The following DTL variants were observed in gnomAD, a reference collection of about 807,000 sequenced individuals.
The protein encoded by DTL is denticleless protein homolog.
A neutral mutation model predicts 87.0 loss-of-function variants in DTL; 46 were observed. That is an observed-to-expected ratio of 0.53 (90% CI 0.42 to 0.68). The LOEUF (loss-of-function observed/expected upper bound fraction) is 0.68. DTL is among the 30% of genes least tolerant of loss of function. DTL has a pLI of 0.00. For missense variants in DTL, 737 were observed against 869.4 expected (o/e 0.85, Z 1.91); for synonymous variants, 308 against 311.2 (o/e 0.99, Z 0.11).
intron 5 of DTL, chr1:212,051,782 A>G: frequency 1.3e-6 from 1 of 740,992 alleles, no homozygotes. Context: ...GTTTGTTTAC[A>G]ACAATGCCAA....
At chr1:212,092,623 C>T (rs1342129670) in intron 13 of DTL, among the ~76,000 whole-genome samples, 2 of 152,124 alleles carry the variant, frequency 1.3e-5, no homozygotes, top group East Asian at 1.9e-4. Flanking sequence ...AAGTAGTATT[C>T]CCTGGTATAT....
chr1:212,103,025 A>T lies in DTL; in HGVS notation c.*85A>T. On this transcript the variant is annotated 3_prime_UTR_variant, in exon 15 of 15. Coordinates refer to ENST00000366991, the MANE Select transcript of DTL (RefSeq NM_016448.4). ...ACTAAAACAAGATGAAAAATACAAG[A>T]GTGACTCTATAACTCTGGTCTTTAA... The T allele has an allele frequency of 1.3e-6, 1 of 759,716 alleles. No individual in the cohort carries two copies. The highest frequency in any genetic ancestry group is 1.8e-5 in the South Asian group (1 of 55,888). The allele number at this position is 759,716 out of a possible 1,614,324, so 47.1% of individuals were successfully genotyped here.
chr1:212,066,933 TTG>T (rs759488475), intron 8 of DTL, 48 bp downstream of exon 8: 1 of 1,470,846 alleles, frequency 6.8e-7, no homozygotes. Flanking sequence ...TTTTATGAGA[TTG>T]TGATGAGGCA....
intron 11 of DTL, 92 bp downstream of exon 11, chr1:212,072,305 C>T (rs1179529437): frequency 7.5e-5 from 70 of 936,148 alleles, no homozygotes; most frequent in African/African-American, 2.0e-4. Flanking sequence ...AATGTAACCA[C>T]GTGCTATACT....
chr1:212,045,924 TTTG>T (rs10636026), intron 3 of DTL, among the ~76,000 whole-genome samples: 87 of 150,740 alleles, frequency 5.8e-4, no homozygotes, highest in African/African-American at 1.5e-3. Flanking sequence ...TGTTTTTGGT[TTTG>T]TTGTTGTTGT....
chr1:212,081,458 G>A (rs1383913501), intron 13 of DTL, among the ~76,000 whole-genome samples: 1 of 152,210 alleles, frequency 6.6e-6, no homozygotes, highest in Non-Finnish European at 1.5e-5. Context: ...TATTTTGATA[G>A]ACAAAAGTCC....
At chr1:212,089,520 A>G (rs1005003247) in intron 13 of DTL, among the ~76,000 whole-genome samples, 6 of 152,204 alleles carry the variant, frequency 3.9e-5, no homozygotes, top group African/African-American at 1.2e-4. Context: ...GTAAAAGTGA[A>G]ATGAAAAAGT....
In DTL at chr1:212,055,651, G is replaced by C. The variant is rs187977855; in HGVS notation, c.461-7233G>C. On this transcript the variant is annotated intron_variant, in intron 5 of 14. Coordinates refer to ENST00000366991, the MANE Select transcript of DTL (RefSeq NM_016448.4). ...TCAGTCGTTTAACTGCCTGCCTATG[G>C]GTACTCCCAGGGAAAGCAACCCCAC... Among the ~76,000 whole-genome samples, 17 of 152,248 alleles carry C rather than the reference G, an allele frequency of 1.1e-4. No homozygotes were observed. The East Asian group carries it at 3.1e-3, about 28-fold the overall frequency.
chr1:212,063,597 T>A (rs1654401590), intron 6 of DTL, among the ~76,000 whole-genome samples: 1 of 152,178 alleles, frequency 6.6e-6, no homozygotes, highest in South Asian at 2.1e-4. Flanking sequence ...AGCCTGATTT[T>A]AAAGAATTAG....
chr1:212,097,595 A>G (rs187590555), intron 13 of DTL, among the ~76,000 whole-genome samples: 63 of 151,856 alleles, frequency 4.1e-4, no homozygotes, highest in African/African-American at 8.9e-4. Context: ...TATGATATCT[A>G]TTTCTCTGGA....
chr1:212,043,415 A>G (rs1667711057), intron 2 of DTL, among the ~76,000 whole-genome samples: 1 of 152,220 alleles, frequency 6.6e-6, no homozygotes, highest in South Asian at 2.1e-4. Flanking sequence ...TATCCAGTAG[A>G]TACATACCCT....
At chr1:212,087,071 C>T (rs1655151040) in intron 13 of DTL, among the ~76,000 whole-genome samples, 1 of 152,160 alleles carries the variant, frequency 6.6e-6, no homozygotes, top group Non-Finnish European at 1.5e-5. Context: ...CATAATTATT[C>T]TAAGGACCTA....
chr1:212,078,056 T>A (rs1317188362), intron 11 of DTL, 117 bp from the exon 12 acceptor site: 1 of 566,768 alleles, frequency 1.8e-6, no homozygotes, highest in African/African-American at 1.9e-5. Context: ...GCTAGGCAGG[T>A]CTAGTGGCCT....
At chr1:212,085,988 A>G (rs1278432230) in intron 13 of DTL, among the ~76,000 whole-genome samples, 1 of 152,208 alleles carries the variant, frequency 6.6e-6, no homozygotes, top group Non-Finnish European at 1.5e-5. Flanking sequence ...TGATCTATGT[A>G]TCTGTCCTTA....
At chr1:212,090,238 A>C (rs1275419971) in intron 13 of DTL, among the ~76,000 whole-genome samples, 1 of 152,202 alleles carries the variant, frequency 6.6e-6, no homozygotes, top group Non-Finnish European at 1.5e-5. Flanking sequence ...GTTTAGGCAA[A>C]AGTCAATTTG....
At chr1:212,063,306 T>G (rs1454870632) in intron 6 of DTL, among the ~76,000 whole-genome samples, 1 of 150,956 alleles carries the variant, frequency 6.6e-6, no homozygotes, top group Non-Finnish European at 1.5e-5. Context: ...ATTTTTTTTT[T>G]TTTTGAGATG....
intron 5 of DTL, among the ~76,000 whole-genome samples, chr1:212,055,833 G>A (rs774606108): frequency 1.3e-5 from 2 of 152,052 alleles, no homozygotes; most frequent in South Asian, 4.1e-4. Flanking sequence ...CTTCATACAC[G>A]CCACTACCCA....
intron 3 of DTL, among the ~76,000 whole-genome samples, chr1:212,045,717 C>T (rs1050701615): frequency 6.6e-6 from 1 of 151,838 alleles, no homozygotes; most frequent in African/African-American, 2.4e-5. Flanking sequence ...CTCCAGGTGA[C>T]GGGAAAAGCA....
chr1:212,071,720 A>G (rs1301849805), intron 10 of DTL, among the ~76,000 whole-genome samples: 1 of 152,226 alleles, frequency 6.6e-6, no homozygotes, highest in Non-Finnish European at 1.5e-5. Context: ...GGGAAATTAG[A>G]TGAATATATT....
Sources: allele counts gnomAD v4.1 joint callset (sites outside exome capture counted in the v4.1 genomes callset), GRCh38; gene constraint gnomAD v4.1.1; transcripts MANE v1.5; gene names NCBI Gene and HGNC (gene_info 2026-07-23, HGNC 2026-07-21).